SLC22A3: variants seen among roughly 807,000 people sequenced by gnomAD.
SLC22A3 encodes EMT organic cation transporter 3.
Under a neutral mutation model 59.1 loss-of-function variants are expected in SLC22A3, and 51 were observed. That is an observed-to-expected ratio of 0.86 (90% CI 0.69 to 1.09). The LOEUF is 1.09. Ranked by LOEUF, SLC22A3 falls within the 50% of genes least tolerant of loss-of-function variation. The probability of loss-of-function intolerance (pLI) is 0.00; values close to 1 mark genes in which losing one functional copy is unlikely to be tolerated. For synonymous variants in SLC22A3, 325 were observed against 292.0 expected (o/e 1.11, Z -1.15); for missense variants, 711 against 726.3 (o/e 0.98, Z 0.24).
intron 1 of SLC22A3, among the ~76,000 whole-genome samples, chr6:160,357,040 T>G (rs1427601966): frequency 6.6e-6 from 1 of 152,182 alleles, no homozygotes; most frequent in Non-Finnish European, 1.5e-5. Context: ...CCATCCCACC[T>G]TCCTTAACAT....
rs748129202 is a variant in SLC22A3, at chr6:160,436,837, C to A, written c.1033C>A (p.Pro345Thr). 4 of 1,613,650 alleles carry A rather than the reference C, an allele frequency of 2.5e-6. No individual in the cohort carries two copies. The African/African-American group carries it at 4.0e-5, about 16-fold the overall frequency. The change falls in exon 6 of 11, where the codon CCC becomes ACC. Residue 345 changes from proline to threonine, a missense_variant. By Grantham distance (38) the Pro-to-Thr change is conservative. Transcript: ENST00000275300. Reference protein sequence around the residue: ...NPSFLDLVRTPQMRKCTLILM... With the variant: ...NPSFLDLVRTTQMRKCTLILM... Reference sequence around the variant, plus strand: ...ATCCTTTTTAGATCTGGTGAGAACTCCCCAAATGAGGAAATGCACACTTAT... The same window carrying A: ...ATCCTTTTTAGATCTGGTGAGAACTACCCAAATGAGGAAATGCACACTTAT...
At chr6:160,365,553 T>A (rs961857394) in intron 1 of SLC22A3, among the ~76,000 whole-genome samples, 1 of 152,300 alleles carries the variant, frequency 6.6e-6, no homozygotes, top group Admixed American at 6.5e-5. Context: ...GGGACCACAC[T>A]TTGAGGATCA....
At position 160,449,649 on chromosome 6, in the gene SLC22A3, A is replaced by C. The variant is rs535762721; in HGVS notation, c.1611-1347A>C. Among the ~76,000 whole-genome samples the C allele has an allele frequency of 1.2e-4, 18 of 152,354 alleles. No homozygotes were observed. In the South Asian group the frequency reaches 2.5e-3, roughly 21 times the overall value. On this transcript the variant is annotated intron_variant, in intron 10 of 10. Coordinates refer to ENST00000275300, the MANE Select transcript of SLC22A3 (RefSeq NM_021977.4). ...TCCAAATATATGTTAATTCAGTAGA[A>C]GTTCATAAAGAACTTAAATGCTATA...
intron 5 of SLC22A3, among the ~76,000 whole-genome samples, chr6:160,416,249 C>T (rs1318717375): frequency 2.0e-5 from 3 of 152,072 alleles, no homozygotes; most frequent in Admixed American, 2.0e-4. Flanking sequence ...AACTGTTGTT[C>T]ACTAAATGGA....
intron 1 of SLC22A3, among the ~76,000 whole-genome samples, chr6:160,392,473 T>G (rs1455608362): frequency 6.6e-6 from 1 of 152,224 alleles, no homozygotes; most frequent in Non-Finnish European, 1.5e-5. Context: ...ATATAACAAG[T>G]ACCTCCCAGG....
intron 1 of SLC22A3, among the ~76,000 whole-genome samples, chr6:160,387,868 G>A (rs1786085600): frequency 6.6e-6 from 1 of 152,140 alleles, no homozygotes; most frequent in African/African-American, 2.4e-5. Flanking sequence ...TCTATTACCT[G>A]GATTATAATC....
At chr6:160,447,020 G>A (rs1036600981) in intron 9 of SLC22A3, among the ~76,000 whole-genome samples, 8 of 152,220 alleles carry the variant, frequency 5.3e-5, no homozygotes, top group Non-Finnish European at 1.0e-4. Context: ...AAAGAGGGTT[G>A]TTAGGCATTT....
Position 160,450,999 on chromosome 6 carries a change from A to C in SLC22A3, c.1614A>C (p.Pro538=). The C allele has an allele frequency of 6.3e-7, 1 of 1,590,658 alleles. No homozygotes were observed. The highest frequency in any genetic ancestry group is 8.6e-7 in the Non-Finnish European group (1 of 1,166,084). Residue 538 remains proline (P), a synonymous_variant, in exon 11 of 11, where the codon CCA becomes CCC. Coordinates refer to ENST00000275300, the MANE Select transcript of SLC22A3 (RefSeq NM_021977.4). ...ACTTTCTCCTTTGTTTTTTCAGTCC[A>C]CATTCCTGTAAATGTGGCAGGAATA... ...TVDDVEKLGS[P]HSCKCGRNKK... is the part of the protein sequence containing the mutation.
intron 1 of SLC22A3, among the ~76,000 whole-genome samples, chr6:160,383,929 T>C (rs1785893449): frequency 6.6e-6 from 1 of 152,220 alleles, no homozygotes; most frequent in Non-Finnish European, 1.5e-5. Context: ...ATGCAAATAC[T>C]ACATCAGTTT....
intron 1 of SLC22A3, among the ~76,000 whole-genome samples, chr6:160,353,246 A>G (rs1210812878): frequency 6.6e-6 from 1 of 152,256 alleles, no homozygotes; most frequent in Non-Finnish European, 1.5e-5. Context: ...CAGAACAAGG[A>G]AAATATTTAC....
At chr6:160,366,028 A>G (rs528495386) in intron 1 of SLC22A3, among the ~76,000 whole-genome samples, 1 of 152,254 alleles carries the variant, frequency 6.6e-6, no homozygotes, top group African/African-American at 2.4e-5. Flanking sequence ...CCCATGACAC[A>G]TGGGGATTAT....
chr6:160,376,627 G>A (rs763248058), intron 1 of SLC22A3, among the ~76,000 whole-genome samples: 7 of 152,104 alleles, frequency 4.6e-5, no homozygotes, highest in Non-Finnish European at 7.4e-5. Flanking sequence ...CTGAACACCT[G>A]GATGTGTAGA....
chr6:160,386,019 C>A (rs1785994360), intron 1 of SLC22A3, among the ~76,000 whole-genome samples: 3 of 152,204 alleles, frequency 2.0e-5, no homozygotes, highest in Admixed American at 2.0e-4. Flanking sequence ...TGTCTCTCAA[C>A]TGTTTGAATC....
At chr6:160,371,155 C>A (rs561907869) in intron 1 of SLC22A3, among the ~76,000 whole-genome samples, 2 of 152,198 alleles carry the variant, frequency 1.3e-5, no homozygotes, top group Non-Finnish European at 2.9e-5. Flanking sequence ...ACATGCCTCC[C>A]ACCCAGGAGC....
Position 160,348,641 on chromosome 6 carries a change from G to C in SLC22A3, c.222G>C (p.Thr74=), listed in dbSNP as rs1360652061. The C allele has an allele frequency of 1.3e-6, 2 of 1,502,548 alleles. No individual in the cohort carries two copies. The highest frequency in any genetic ancestry group is 1.8e-6 in the Non-Finnish European group (2 of 1,133,590). 93.1% of individuals were successfully genotyped at this position (1,502,548 alleles called of 1,614,324 possible). ...GCCCGGAGGAGGAGTGGAACCGCAC[G>C]GCGCCCGCCTCCCGCGGCCCAGAGC... ...GWSPEEEWNR[T]APASRGPEPP... Residue 74 remains threonine (T), a synonymous_variant, in exon 1 of 11, where the codon ACG becomes ACC. Transcript: ENST00000275300.
chr6:160,409,508 A>G (rs1160523146), intron 4 of SLC22A3, among the ~76,000 whole-genome samples: 1 of 145,946 alleles, frequency 6.9e-6, no homozygotes, highest in Admixed American at 7.0e-5. Context: ...TTATAGCAGC[A>G]TGATTTATAC....
intron 1 of SLC22A3, among the ~76,000 whole-genome samples, chr6:160,372,144 A>G (rs1463740514): frequency 2.0e-5 from 3 of 152,086 alleles, no homozygotes; most frequent in Non-Finnish European, 4.4e-5. Context: ...TTGCTTTATG[A>G]ATCTGGGTAC....
intron 1 of SLC22A3, among the ~76,000 whole-genome samples, chr6:160,390,011 A>G (rs1041155251): frequency 3.3e-5 from 5 of 152,232 alleles, no homozygotes; most frequent in Non-Finnish European, 5.9e-5. Context: ...AGTTCATGAA[A>G]AACAGTAGCT....
intron 10 of SLC22A3, among the ~76,000 whole-genome samples, chr6:160,448,798 G>T (rs372213552): frequency 3.0e-4 from 46 of 152,090 alleles, no homozygotes; most frequent in Non-Finnish European, 5.6e-4. Flanking sequence ...TGGGAAGAGG[G>T]GTAGGGAAGG....
Sources: gnomAD v4.1 joint callset for allele counts (sites outside exome capture counted in the v4.1 genomes callset) on GRCh38, gnomAD v4.1.1 for gene constraint, MANE v1.5 for transcripts, NCBI Gene and HGNC (gene_info 2026-07-23, HGNC 2026-07-21) for gene names.